Variants in PDCD6 observed in about 807,000 individuals in gnomAD.
The protein encoded by PDCD6 is programmed cell death protein 6.
PDCD6 carries 12 observed loss-of-function variants against 28.3 expected under a neutral mutation model. That is an observed-to-expected ratio of 0.42 (90% CI 0.27 to 0.69). The LOEUF (loss-of-function observed/expected upper bound fraction) is 0.69. PDCD6 is among the 30% of genes least tolerant of loss of function. The probability of loss-of-function intolerance (pLI) is 0.22; values close to 1 mark genes in which losing one functional copy is unlikely to be tolerated. For synonymous variants in PDCD6, 92 were observed against 108.0 expected (o/e 0.85, Z 0.92); for missense variants, 226 against 269.9 (o/e 0.84, Z 1.14).
intron 2 of PDCD6, among the ~76,000 whole-genome samples, chr5:303,350 C>G (rs1740243813): frequency 6.6e-6 from 1 of 151,274 alleles, no homozygotes; most frequent in South Asian, 2.1e-4. Flanking sequence ...AGGAGAGCCA[C>G]TGGTCTCTCC....
intron 2 of PDCD6, among the ~76,000 whole-genome samples, chr5:279,428 A>G (rs1318392067): frequency 2.6e-5 from 4 of 151,914 alleles, no homozygotes; most frequent in Non-Finnish European, 4.4e-5. Context: ...CTGGCTGTGG[A>G]ATGAGAGGCG....
chr5:281,884 C>G (rs796571773), intron 2 of PDCD6, among the ~76,000 whole-genome samples: 1 of 151,282 alleles, frequency 6.6e-6, no homozygotes, highest in Non-Finnish European at 1.5e-5. Context: ...GAGGGTCTTT[C>G]AGCTGAAGAC....
chr5:291,410 T>C (rs1040591144), intron 2 of PDCD6, among the ~76,000 whole-genome samples: 2 of 151,986 alleles, frequency 1.3e-5, no homozygotes, highest in Middle Eastern at 6.8e-3. Context: ...TTCATTTTCA[T>C]TGCTGCGTGA....
At chr5:310,733 G>C (rs1740856326) in intron 4 of PDCD6, 1 of 155,626 alleles carries the variant, frequency 6.4e-6, no homozygotes. Context: ...GTGCCCTTCA[G>C]TCCCTCCTGG....
At chr5:302,889 T>C (rs555128053) in intron 2 of PDCD6, among the ~76,000 whole-genome samples, 1 of 151,266 alleles carries the variant, frequency 6.6e-6, no homozygotes, top group South Asian at 2.1e-4. Flanking sequence ...CTGCTCTGTG[T>C]GTATGCCTCA....
chr5:314,562 G>A lies in PDCD6; in HGVS notation c.*47G>A. ...AGCACAACATGGAAAGAGCCAAAAT[G>A]TCACAGTTCCTATCTGTGAGGGAAT... On this transcript the variant is annotated 3_prime_UTR_variant, in exon 6 of 6. Transcript: ENST00000264933. 5.3e-6 allele frequency: 7 copies of A among 1,313,674 alleles called. No individual in the cohort carries two copies. The highest frequency in any genetic ancestry group is 1.4e-5 in the African/African-American group (1 of 69,340). The allele number at this position is 1,313,674 out of a possible 1,614,324, so 81.4% of individuals were successfully genotyped here. A position where few individuals can be genotyped will look rare whatever the true frequency, so the allele number is the denominator to read the frequency against.
intron 2 of PDCD6, among the ~76,000 whole-genome samples, chr5:279,802 AAAAACGAG>A (rs1303024683): frequency 2.7e-5 from 4 of 148,640 alleles, no homozygotes; most frequent in African/African-American, 1.0e-4. Context: ...AAAAAAAAAA[AAAAACGAG>A]GAGCCGGTGC....
At chr5:289,171 T>G (rs1739167205) in intron 2 of PDCD6, 1 of 971,862 alleles carries the variant, frequency 1.0e-6, no homozygotes, top group African/African-American at 1.6e-5. Flanking sequence ...AATAAGCAAA[T>G]GTTGTTGTAC....
chr5:283,801 T>G (rs1738750749), intron 2 of PDCD6, among the ~76,000 whole-genome samples: 1 of 147,804 alleles, frequency 6.8e-6, no homozygotes, highest in Non-Finnish European at 1.5e-5. Flanking sequence ...AAGCTAATGT[T>G]CAGTTTGAAG....
chr5:311,428 T>TGTG (rs112251704), intron 5 of PDCD6, 26 bp downstream of exon 5: 21 of 1,525,844 alleles, frequency 1.4e-5, no homozygotes, highest in African/African-American at 6.8e-5. Context: ...CACGTGGGTT[T>TGTG]GTGGTGGTGG....
chr5:298,599 A>G (rs1188819706), intron 2 of PDCD6, among the ~76,000 whole-genome samples: 3 of 104,806 alleles, frequency 2.9e-5, no homozygotes, highest in African/African-American at 1.1e-4. Context: ...TCCTCTCACC[A>G]CCCCCGTGCA....
Position 306,127 on chromosome 5 carries a change from A to G in PDCD6, c.209-475A>G, listed in dbSNP as rs1579543057. The G allele has an allele frequency of 1.8e-5, 3 of 169,188 alleles. No individual in the cohort carries two copies. The East Asian group carries it at 4.3e-4, about 24-fold the overall frequency. 10.5% of individuals were successfully genotyped at this position (169,188 alleles called of 1,614,324 possible). Reference sequence around the variant, plus strand: ...TCTAATTAAAGCAGGTTTTCCTGACAGGGCTGTTCCAAGACTCCACCAGTG... The same window carrying G: ...TCTAATTAAAGCAGGTTTTCCTGACGGGGCTGTTCCAAGACTCCACCAGTG... On this transcript the variant is annotated intron_variant, in intron 3 of 5. Coordinates refer to ENST00000264933, the MANE Select transcript of PDCD6 (RefSeq NM_013232.4).
intron 2 of PDCD6, among the ~76,000 whole-genome samples, chr5:302,477 A>G (rs28714571): frequency 3.2e-4 from 24 of 73,988 alleles, no homozygotes; most frequent in Middle Eastern, 0.011. Context: ...AGGGCGGGTC[A>G]TGGAGTGCTG....
intron 2 of PDCD6, among the ~76,000 whole-genome samples, chr5:294,804 G>A (rs1739503569): frequency 6.6e-6 from 1 of 152,224 alleles, no homozygotes. Flanking sequence ...CCATCGGCAG[G>A]AGGAGGCGGG....
intron 2 of PDCD6, among the ~76,000 whole-genome samples, chr5:273,599 T>C (rs764052100): frequency 7.9e-5 from 12 of 152,284 alleles, no homozygotes; most frequent in East Asian, 3.9e-4. Context: ...AAAGGCTTCT[T>C]GTTATTAGTG....
intron 2 of PDCD6, among the ~76,000 whole-genome samples, chr5:290,661 T>C (rs1739261337): frequency 6.6e-6 from 1 of 152,238 alleles, no homozygotes. Flanking sequence ...CTGTGAGGTT[T>C]CGGCGCTGAT....
At chr5:300,072 G>A (rs1739957057) in intron 2 of PDCD6, among the ~76,000 whole-genome samples, 1 of 152,164 alleles carries the variant, frequency 6.6e-6, no homozygotes, top group Non-Finnish European at 1.5e-5. Context: ...TGTGGGAAGG[G>A]GTTAACTCAG....
At chr5:302,393 C>CTGTTGTGTGTGTGTGTG (rs1197687629) in intron 2 of PDCD6, among the ~76,000 whole-genome samples, 1 of 118,038 alleles carries the variant, frequency 8.5e-6, no homozygotes, top group African/African-American at 4.5e-5. Flanking sequence ...TGGAGTGCTG[C>CTGTTGTGTGTGTGTGTG]TCTGTGTGTA....
chr5:274,210 CATTT>C (rs1179355602), intron 2 of PDCD6, among the ~76,000 whole-genome samples: 1 of 152,194 alleles, frequency 6.6e-6, no homozygotes, highest in Non-Finnish European at 1.5e-5. Flanking sequence ...GTTTCAGAGA[CATTT>C]ATTTTGAGTG....
Sources: gnomAD v4.1 joint callset for allele counts (sites outside exome capture counted in the v4.1 genomes callset) on GRCh38, gnomAD v4.1.1 for gene constraint, MANE v1.5 for transcripts, NCBI Gene and HGNC (gene_info 2026-07-23, HGNC 2026-07-21) for gene names.